The following KCNIP1 variants were observed in gnomAD, a reference collection of about 807,000 sequenced individuals.
KCNIP1 encodes potassium voltage-gated channel interacting protein 1.
Under a neutral mutation model 33.0 loss-of-function variants are expected in KCNIP1, and 18 were observed. The ratio of observed to expected loss-of-function variants is 0.55; its 90% CI spans 0.38 to 0.81. The LOEUF is 0.81. Among genes scored for constraint, KCNIP1 ranks in the 30% least tolerant of loss-of-function variants. The probability of loss-of-function intolerance (pLI) is 0.00; values close to 1 mark genes in which losing one functional copy is unlikely to be tolerated. For missense variants in KCNIP1, 238 were observed against 271.6 expected (o/e 0.88, Z 0.87); for synonymous variants, 93 against 98.3 (o/e 0.95, Z 0.32).
At chr5:170,367,447 GGAAA>G (rs374443943) in intron 1 of KCNIP1, among the ~76,000 whole-genome samples, 71 of 142,966 alleles carry the variant, frequency 5.0e-4, no homozygotes, top group East Asian at 2.4e-3. Context: ...AGGAAAGAAA[GGAAA>G]GAAAGAAAGA....
intron 1 of KCNIP1, among the ~76,000 whole-genome samples, chr5:170,460,021 C>T (rs1489098326): frequency 6.6e-6 from 1 of 152,074 alleles, no homozygotes; most frequent in Non-Finnish European, 1.5e-5. Context: ...CAACTGAAAA[C>T]CACAGAAATA....
intron 1 of KCNIP1, among the ~76,000 whole-genome samples, chr5:170,532,817 C>T (rs779050597): frequency 3.9e-5 from 6 of 152,166 alleles, no homozygotes; most frequent in Non-Finnish European, 8.8e-5. Context: ...AAGCAACAAA[C>T]TCCCAGTCTT....
upstream of KCNIP1, among the ~76,000 whole-genome samples, chr5:170,503,192 C>T (rs1302385066): frequency 6.6e-6 from 1 of 151,890 alleles, no homozygotes; most frequent in Non-Finnish European, 1.5e-5. Context: ...GAGTTCAAGC[C>T]CAGCCAGCCC....
intron 1 of KCNIP1, among the ~76,000 whole-genome samples, chr5:170,411,059 AG>A (rs1390909025): frequency 6.6e-6 from 1 of 152,226 alleles, no homozygotes; most frequent in East Asian, 1.9e-4. Context: ...AGACCCTCCC[AG>A]GTACTGGAGG....
intron 1 of KCNIP1, among the ~76,000 whole-genome samples, chr5:170,685,789 T>A (rs528883192): frequency 1.3e-5 from 2 of 152,308 alleles, no homozygotes; most frequent in Non-Finnish European, 2.9e-5. Flanking sequence ...GCCCAGCCGA[T>A]AAACTTTAAA....
At chr5:170,508,106 C>G (rs886067677) in intron 1 of KCNIP1, among the ~76,000 whole-genome samples, 3 of 152,186 alleles carry the variant, frequency 2.0e-5, no homozygotes, top group African/African-American at 7.2e-5. Flanking sequence ...GACAACATCA[C>G]TAGACCAAGG....
intron 1 of KCNIP1, among the ~76,000 whole-genome samples, chr5:170,392,103 C>A (rs2113366460): frequency 6.6e-6 from 1 of 152,302 alleles, no homozygotes; most frequent in African/African-American, 2.4e-5. Context: ...GGACATGTAC[C>A]TGGGAACCAG....
chr5:170,432,285 T>C (rs1755761837), intron 1 of KCNIP1, among the ~76,000 whole-genome samples: 1 of 152,204 alleles, frequency 6.6e-6, no homozygotes, highest in South Asian at 2.1e-4. Flanking sequence ...CAGACACGTA[T>C]TGTAGGTTTT....
intron 1 of KCNIP1, among the ~76,000 whole-genome samples, chr5:170,699,849 G>A (rs2042092607): frequency 6.6e-6 from 1 of 152,228 alleles, no homozygotes; most frequent in Non-Finnish European, 1.5e-5. Context: ...TCAGCAAGGA[G>A]AGGAAGGACA....
intron 1 of KCNIP1, among the ~76,000 whole-genome samples, chr5:170,434,824 A>G (rs966663057): frequency 6.6e-6 from 1 of 152,160 alleles, no homozygotes; most frequent in African/African-American, 2.4e-5. Flanking sequence ...GCGTGGTGGC[A>G]CGAGCCTGTA....
intron 1 of KCNIP1, among the ~76,000 whole-genome samples, chr5:170,506,399 C>T (rs1240727373): frequency 6.6e-6 from 1 of 152,160 alleles, no homozygotes; most frequent in African/African-American, 2.4e-5. Context: ...TGGCTGCAGC[C>T]ACCAGGGACC....
intron 1 of KCNIP1, among the ~76,000 whole-genome samples, chr5:170,442,330 G>C (rs1200370055): frequency 6.6e-6 from 1 of 152,164 alleles, no homozygotes; most frequent in African/African-American, 2.4e-5. Context: ...GGGGCCCAGT[G>C]GCCCTGGAAA....
intron 1 of KCNIP1, among the ~76,000 whole-genome samples, chr5:170,702,483 A>G (rs1763129715): frequency 6.6e-6 from 1 of 152,156 alleles, no homozygotes; most frequent in South Asian, 2.1e-4. Context: ...GAAATGCTAA[A>G]TGGGTGGCAG....
upstream of KCNIP1, among the ~76,000 whole-genome samples, chr5:170,499,656 A>T (rs911284980): frequency 1.3e-5 from 2 of 152,210 alleles, no homozygotes; most frequent in Non-Finnish European, 2.9e-5. Flanking sequence ...GAGAAGAAAC[A>T]TGGCTAAGGG....
chr5:170,370,471 C>T (rs1763816317), intron 1 of KCNIP1, among the ~76,000 whole-genome samples: 1 of 152,162 alleles, frequency 6.6e-6, no homozygotes, highest in South Asian at 2.1e-4. Context: ...GGCTCCCTCT[C>T]AAAGACAAAT....
chr5:170,627,240 G>T (rs10068508), intron 1 of KCNIP1, among the ~76,000 whole-genome samples: 1 of 152,176 alleles, frequency 6.6e-6, no homozygotes, highest in South Asian at 2.1e-4. Flanking sequence ...AGAACCTGGG[G>T]CAAAGCTGTT....
chr5:170,596,775 T>C (rs1758454553), intron 1 of KCNIP1, among the ~76,000 whole-genome samples: 1 of 152,136 alleles, frequency 6.6e-6, no homozygotes, highest in Non-Finnish European at 1.5e-5. Context: ...AGGGCTAAAA[T>C]GCATACAGAA....
At chr5:170,629,543 C>T (rs1003680067) in intron 1 of KCNIP1, among the ~76,000 whole-genome samples, 2 of 152,182 alleles carry the variant, frequency 1.3e-5, no homozygotes, top group Admixed American at 6.5e-5. Context: ...CTGGGTCCCC[C>T]ACCCCACCCC....
intron 1 of KCNIP1, among the ~76,000 whole-genome samples, chr5:170,539,798 G>C (rs1422319708): frequency 6.6e-6 from 1 of 152,114 alleles, no homozygotes; most frequent in Non-Finnish European, 1.5e-5. Flanking sequence ...AAGTACCTGG[G>C]GGAAGTGAGG....
Sources: allele counts gnomAD v4.1 joint callset (sites outside exome capture counted in the v4.1 genomes callset), GRCh38; gene constraint gnomAD v4.1.1; transcripts MANE v1.5; gene names NCBI Gene and HGNC (gene_info 2026-07-23, HGNC 2026-07-21).